Variants in NEK5 observed in about 807,000 individuals in gnomAD.
The protein encoded by NEK5 is serine/threonine-protein kinase Nek5.
Under a neutral mutation model 109.2 loss-of-function variants are expected in NEK5, and 88 were observed. That is an observed-to-expected ratio of 0.81 (90% CI 0.68 to 0.96). The LOEUF (loss-of-function observed/expected upper bound fraction) is 0.96. Among genes scored for constraint, NEK5 ranks in the 40% least tolerant of loss-of-function variants. The pLI is 0.00. For missense variants in NEK5, 834 were observed against 920.7 expected, an observed-to-expected ratio of 0.91 and a Z score of 1.22; for synonymous variants, 283 against 299.9, an observed-to-expected ratio of 0.94 and a Z score of 0.58.
At chr13:52,122,410 TA>T (rs1555317996) in intron 3 of NEK5, among the ~76,000 whole-genome samples, 1 of 152,158 alleles carries the variant, frequency 6.6e-6, no homozygotes, top group Non-Finnish European at 1.5e-5. Context: ...TTTTATTATA[TA>T]AAAATATTGA....
intron 4 of NEK5, among the ~76,000 whole-genome samples, chr13:52,115,292 C>T (rs865913237): frequency 2.6e-5 from 4 of 151,908 alleles, no homozygotes; most frequent in South Asian, 2.1e-4. Context: ...TGAGCCACCG[C>T]GCCCGGCCGA....
intron 12 of NEK5, among the ~76,000 whole-genome samples, 190 bp from the exon 13 acceptor site, chr13:52,093,425 T>G (rs1314482635): frequency 6.6e-6 from 1 of 152,066 alleles, no homozygotes; most frequent in African/African-American, 2.4e-5. Context: ...CCAGGCATGG[T>G]GGCGCACGCC....
chr13:52,057,250 A>G (rs1486700038), intron 22 of NEK5, among the ~76,000 whole-genome samples: 5 of 152,164 alleles, frequency 3.3e-5, no homozygotes, highest in African/African-American at 1.2e-4. Flanking sequence ...TAAACCAGGA[A>G]GAAGTTGAAT....
intron 14 of NEK5, 133 bp from the exon 15 acceptor site, chr13:52,087,587 G>C: frequency 2.0e-6 from 1 of 505,204 alleles, no homozygotes; most frequent in Non-Finnish European, 3.5e-6. Context: ...TTTTTTTGTG[G>C]TAAGTAGTAG....
At position 52,113,955 on chromosome 13, in the gene NEK5, T is replaced by G. The variant is rs545684778; in HGVS notation, c.215-1590A>C. 2.0e-5 allele frequency among the ~76,000 whole-genome samples: 3 copies of G among 152,322 alleles called. No individual in the cohort carries two copies. In the East Asian group the frequency reaches 5.8e-4, roughly 29 times the overall value. ...CACTGAATCTGCCTGCACCTTGATCTTGCACTTCCCAGCCTCCAGAACTGC... is the reference window on the plus strand; with the variant it reads ...CACTGAATCTGCCTGCACCTTGATCGTGCACTTCCCAGCCTCCAGAACTGC... On this transcript the variant is annotated intron_variant, in intron 4 of 23. Transcript: ENST00000684899.
At chr13:52,060,480 A>T (rs748443733) in intron 22 of NEK5, among the ~76,000 whole-genome samples, 2 of 151,884 alleles carry the variant, frequency 1.3e-5, no homozygotes, top group Non-Finnish European at 2.9e-5. Context: ...TCAACCTCCC[A>T]AGTAGCTGGG....
At chr13:52,109,771 A>G (rs1012987575) in intron 7 of NEK5, among the ~76,000 whole-genome samples, 1 of 152,174 alleles carries the variant, frequency 6.6e-6, no homozygotes, top group Non-Finnish European at 1.5e-5. Flanking sequence ...ATTGCCAATC[A>G]GAAAAGTTTT....
At chr13:52,053,237 G>A (rs1395776923) in intron 22 of NEK5, among the ~76,000 whole-genome samples, 1 of 152,034 alleles carries the variant, frequency 6.6e-6, no homozygotes, top group Non-Finnish European at 1.5e-5. Flanking sequence ...GGAGGTAGAG[G>A]GTGCAGTGAG....
In NEK5 at chr13:52,065,512, G is replaced by T. The variant is rs748276594; in HGVS notation, c.1947C>A (p.Ile649=). The T allele has an allele frequency of 2.5e-6, 4 of 1,613,786 alleles. No individual in the cohort carries two copies. In the South Asian group the frequency reaches 4.4e-5, roughly 18 times the overall value. ...TLLQMMAVAD[I]TSTCPTGPDN... ...CAGGCCCCGTGGGGCAGGTGGAGGT[G>T]ATGTCGGCCACTGCCATCATCTGCA... Residue 649 remains isoleucine (I), a synonymous_variant, in exon 21 of 24, where the codon ATC becomes ATA. Transcript: ENST00000684899.
chr13:52,085,895 GGTTT>G (rs763928754), intron 16 of NEK5, among the ~76,000 whole-genome samples: 34 of 152,026 alleles, frequency 2.2e-4, no homozygotes, highest in Non-Finnish European at 4.1e-4. Flanking sequence ...TAGTGTGTTG[GGTTT>G]GTTTTTTTCC....
intron 8 of NEK5, among the ~76,000 whole-genome samples, chr13:52,106,501 C>T (rs1340909545): frequency 6.6e-6 from 1 of 152,126 alleles, no homozygotes; most frequent in African/African-American, 2.4e-5. Context: ...TGCGGTGGCT[C>T]ACACCTGCAA....
chr13:52,074,878 C>T (rs541625357), intron 19 of NEK5, among the ~76,000 whole-genome samples: 1 of 152,264 alleles, frequency 6.6e-6, no homozygotes, highest in South Asian at 2.1e-4. Context: ...AAAGAATACT[C>T]ATCATCACTA....
chr13:52,106,140 C>A (rs1459142265), intron 8 of NEK5, among the ~76,000 whole-genome samples: 1 of 151,432 alleles, frequency 6.6e-6, no homozygotes, highest in Non-Finnish European at 1.5e-5. Context: ...TCCTGCACAA[C>A]TAACTTGAGG....
intron 4 of NEK5, among the ~76,000 whole-genome samples, chr13:52,115,190 T>C (rs1033721144): frequency 4.6e-5 from 7 of 151,862 alleles, no homozygotes; most frequent in Non-Finnish European, 1.0e-4. Flanking sequence ...ATTTTTTGTA[T>C]TTTTAGTAGA....
chr13:52,098,261 CAAAT>C (rs34554364), intron 12 of NEK5, among the ~76,000 whole-genome samples: 1,854 of 146,978 alleles, frequency 0.013, 24 homozygotes, highest in African/African-American at 0.038. Flanking sequence ...GACCCTCTTT[CAAAT>C]AAATAAATAA....
At chr13:52,126,207 T>C (rs187834520) in intron 3 of NEK5, among the ~76,000 whole-genome samples, 30 of 152,312 alleles carry the variant, frequency 2.0e-4, no homozygotes, top group African/African-American at 7.0e-4. Context: ...TGTCCCAATA[T>C]ATTATGAAAT....
chr13:52,127,565 A>G, intron 2 of NEK5, 30 bp downstream of exon 2: 1 of 781,896 alleles, frequency 1.3e-6, no homozygotes, highest in Non-Finnish European at 2.2e-6. Context: ...AAAGTCAGAA[A>G]ACTGATGACT....
chr13:52,125,174 T>C (rs1314272443), intron 3 of NEK5, among the ~76,000 whole-genome samples: 1 of 152,200 alleles, frequency 6.6e-6, no homozygotes, highest in East Asian at 1.9e-4. Context: ...ATGATCGTCA[T>C]CCTAAATTCT....
At chr13:52,099,247 T>TAA (rs1179262282) in intron 12 of NEK5, among the ~76,000 whole-genome samples, 3 of 152,090 alleles carry the variant, frequency 2.0e-5, no homozygotes. Flanking sequence ...AAAAAGAATA[T>TAA]AACAGCTGGG....
Sources: gnomAD v4.1 joint callset for allele counts (sites outside exome capture counted in the v4.1 genomes callset) on GRCh38, gnomAD v4.1.1 for gene constraint, MANE v1.5 for transcripts, NCBI Gene and HGNC (gene_info 2026-07-23, HGNC 2026-07-21) for gene names.